Variants in TMEM161A observed in about 807,000 individuals in gnomAD.
TMEM161A encodes the protein adaptive response to oxidative stress protein 29.
Under a neutral mutation model 57.1 loss-of-function variants are expected in TMEM161A, and 46 were observed. That is an observed-to-expected ratio of 0.81 (90% confidence interval 0.64 to 1.03). TMEM161A has a LOEUF of 1.03. Ranked by LOEUF, TMEM161A falls within the 50% of genes least tolerant of loss-of-function variation. TMEM161A has a pLI of 0.00. For missense variants in TMEM161A, 601 were observed against 621.5 expected, an observed-to-expected ratio of 0.97 and a Z score of 0.35; for synonymous variants, 288 against 279.0, an observed-to-expected ratio of 1.03 and a Z score of -0.32.
intron 6 of TMEM161A, among the ~76,000 whole-genome samples, chr19:19,128,340 T>G (rs1237426518): frequency 6.6e-6 from 1 of 150,428 alleles, no homozygotes; most frequent in Non-Finnish European, 1.5e-5. Flanking sequence ...CACGCCATTC[T>G]CCTGCCTCAG....
chr19:19,131,232 CAAAACAA>C (rs1396322713), intron 5 of TMEM161A, among the ~76,000 whole-genome samples: 3 of 151,714 alleles, frequency 2.0e-5, no homozygotes, highest in Non-Finnish European at 4.4e-5. Context: ...AAAAACAAAA[CAAAACAA>C]AAAACAAAAA....
In TMEM161A at chr19:19,130,316, T is replaced by C. The variant is rs1285031524; in HGVS notation, c.444-9A>G. 1 of 1,612,380 alleles carries C rather than the reference T, an allele frequency of 6.2e-7. No individual in the cohort carries two copies. The highest frequency in any genetic ancestry group is 1.7e-5 in the Admixed American group (1 of 60,010). On this transcript the variant is annotated splice_polypyrimidine_tract_variant and intron_variant, in intron 5 of 11. Transcript: ENST00000162044. The stretch of plus-strand genomic sequence containing the variant: ...CTGTCAGGAACATCTTGCTGGAGGC[T>C]GGAGCTAAGGAGGCCTCAGGTGCCA...
At position 19,132,513 on chromosome 19, in the gene TMEM161A, G is replaced by A. The variant is rs2059963717; in HGVS notation, c.287-5C>T. 9 of 1,612,462 alleles carry A rather than the reference G, an allele frequency of 5.6e-6. No homozygotes were observed. The highest frequency in any genetic ancestry group is 3.3e-5 in the Admixed American group (2 of 59,874). On this transcript the variant is annotated splice_region_variant and splice_polypyrimidine_tract_variant and intron_variant, in intron 4 of 11. Transcript: ENST00000162044. The surrounding 1 kb of genome is among the most constrained non-coding windows in gnomAD (Gnocchi z 4.3). ...ACTCCAGGAAGAAGCGCAGGACTGTGGGGGGCACTCTGCTCAGCCCTGGGG... is the reference window on the plus strand; with the variant it reads ...ACTCCAGGAAGAAGCGCAGGACTGTAGGGGGCACTCTGCTCAGCCCTGGGG...
chr19:19,122,405 G>A (rs757825464), intron 6 of TMEM161A, among the ~76,000 whole-genome samples: 8 of 152,170 alleles, frequency 5.3e-5, no homozygotes, highest in Non-Finnish European at 1.2e-4. Context: ...TCTAGAGGGG[G>A]ATGAAGGACT....
Position 19,121,084 on chromosome 19 carries a change from G to A in TMEM161A, c.997C>T (p.His333Tyr). 1 of 1,611,660 alleles carries A rather than the reference G, an allele frequency of 6.2e-7. No individual in the cohort carries two copies. Among genetic ancestry groups the A allele is most frequent in the Non-Finnish European group, 8.5e-7 (1 of 1,179,482 alleles). ...GCCAGGCACAGGTAGGCCTGCAGGTGGGGCCGGGTCACCGCCAGCCGCAGC... is the reference window on the plus strand; with the variant it reads ...GCCAGGCACAGGTAGGCCTGCAGGTAGGGCCGGGTCACCGCCAGCCGCAGC... ...CLLRLAVTRP[H>Y]LQAYLCLAKA... Residue 333 changes from histidine to tyrosine, a missense_variant, in exon 10 of 12, where the codon CAC (histidine) becomes TAC (tyrosine). Physicochemically the swap from His to Tyr is moderately conservative, Grantham distance 83. Coordinates refer to ENST00000162044, the MANE Select transcript of TMEM161A (RefSeq NM_017814.3). This position sits in a 1 kb window ranked among gnomAD's most constrained non-coding sequence, Gnocchi z 5.8.
Position 19,121,513 on chromosome 19 carries a change from G to C in TMEM161A, c.800+12C>G. The C allele has an allele frequency of 6.2e-7, 1 of 1,613,428 alleles. No individual in the cohort carries two copies. ...TCCCTAGTCCCCCCACCCACCAAGC[G>C]ACCCACTTAACTGCAGCATGGGTCT... On this transcript the variant is annotated intron_variant, in intron 8 of 11. Coordinates refer to ENST00000162044, the MANE Select transcript of TMEM161A (RefSeq NM_017814.3). The surrounding 1 kb of genome is among the most constrained non-coding windows in gnomAD (Gnocchi z 5.8).
chr19:19,133,286 G>C, intron 2 of TMEM161A, 76 bp from the exon 3 acceptor site: 1 of 1,375,066 alleles, frequency 7.3e-7, no homozygotes, highest in Admixed American at 1.8e-5. Context: ...CCAAATCCAG[G>C]GATTCTAGTT....
Position 19,121,622 on chromosome 19 carries a change from C to G in TMEM161A, c.703G>C (p.Gly235Arg). The change falls in exon 8 of 12, where the codon GGC (glycine) becomes CGC (arginine). Residue 235 changes from glycine to arginine, a missense_variant. Physicochemically the swap from Gly to Arg is moderately radical, Grantham distance 125. Coordinates refer to ENST00000162044, the MANE Select transcript of TMEM161A (RefSeq NM_017814.3). The surrounding 1 kb of genome is among the most constrained non-coding windows in gnomAD (Gnocchi z 5.8). ...GTGAGGAAGGCACCCAGCACAGAGCCCACCACTGCCAGTCCCACGCGGATA... is the reference window on the plus strand; with the variant it reads ...GTGAGGAAGGCACCCAGCACAGAGCGCACCACTGCCAGTCCCACGCGGATA... ...LAIRVGLAVV[G>R]SVLGAFLTFP... 6.2e-7 allele frequency: 1 copy of G among 1,613,978 alleles called. No individual in the cohort carries two copies. Among genetic ancestry groups the G allele is most frequent in the Non-Finnish European group, 8.5e-7 (1 of 1,179,968 alleles).
chr19:19,121,620 G>A lies in TMEM161A; in HGVS notation c.705C>T (p.Gly235=), dbSNP rs1333027562. 2 of 1,613,958 alleles carry A rather than the reference G, an allele frequency of 1.2e-6. No homozygotes were observed. Among genetic ancestry groups the A allele is most frequent in the African/African-American group, 1.3e-5 (1 of 75,064 alleles). ...LAIRVGLAVV[G]SVLGAFLTFP... ...AGGTGAGGAAGGCACCCAGCACAGA[G>A]CCCACCACTGCCAGTCCCACGCGGA... is the stretch of plus-strand genomic sequence containing the variant. The change falls in exon 8 of 12, where the codon GGC becomes GGT. Residue 235 remains glycine, a synonymous_variant. Coordinates refer to ENST00000162044, the MANE Select transcript of TMEM161A (RefSeq NM_017814.3). The surrounding 1 kb of genome is among the most constrained non-coding windows in gnomAD (Gnocchi z 5.8).
rs542328189 is a variant in TMEM161A, at chr19:19,133,482, T to C, written c.108-272A>G. 2.0e-4 allele frequency: 84 copies of C among 410,744 alleles called. 1 individual carries two copies. The highest frequency in any genetic ancestry group is 1.6e-3 in the African/African-American group (77 of 48,680). The allele number at this position is 410,744 out of a possible 1,614,324, so 25.4% of individuals were successfully genotyped here. A position where few individuals can be genotyped will look rare whatever the true frequency, so the allele number is the denominator to read the frequency against. The stretch of plus-strand genomic sequence containing the variant: ...TGCAACTTTTCTTTTCTTTTTCATT[T>C]TCTTTTTGAGACAGAGTCTCCCTCT... On this transcript the variant is annotated intron_variant, in intron 2 of 11. Coordinates refer to ENST00000162044, the MANE Select transcript of TMEM161A (RefSeq NM_017814.3).
At position 19,138,441 on chromosome 19, in the gene TMEM161A, A is replaced by G; in HGVS notation, c.-13T>C. ...GCTCGCTCACCATGACGCGTGCGAG[A>G]ACGCGGTGCACTCACCCACCGGCCT... On this transcript the variant is annotated 5_prime_UTR_variant, in exon 1 of 12. Coordinates refer to ENST00000162044, the MANE Select transcript of TMEM161A (RefSeq NM_017814.3). The G allele has an allele frequency of 1.2e-6, 2 of 1,601,550 alleles. No individual in the cohort carries two copies. The highest frequency in any genetic ancestry group is 1.7e-6 in the Non-Finnish European group (2 of 1,174,322).
intron 1 of TMEM161A, 54 bp from the exon 2 acceptor site, chr19:19,134,941 C>G: frequency 7.7e-7 from 1 of 1,302,114 alleles, no homozygotes; most frequent in Non-Finnish European, 1.1e-6. Context: ...CAAGTTCCCT[C>G]CCTCCCTAGG....
At chr19:19,126,808 T>C (rs1201867913) in intron 6 of TMEM161A, among the ~76,000 whole-genome samples, 2 of 151,992 alleles carry the variant, frequency 1.3e-5, no homozygotes, top group Non-Finnish European at 2.9e-5. Context: ...AGGTGGAGGT[T>C]GCAGTGAGCC....
Position 19,132,338 on chromosome 19 carries a change from G to C in TMEM161A, c.443+14C>G. On this transcript the variant is annotated intron_variant, in intron 5 of 11. Transcript: ENST00000162044. This position sits in a 1 kb window ranked among gnomAD's most constrained non-coding sequence, Gnocchi z 4.3. ...CCACCCGCCCCACTGGCAGGGAGCAGAGAGGAAGGATACATGGAGAAGGTC... is the reference window on the plus strand; with the variant it reads ...CCACCCGCCCCACTGGCAGGGAGCACAGAGGAAGGATACATGGAGAAGGTC... 1 of 1,608,166 alleles carries C rather than the reference G, an allele frequency of 6.2e-7. No individual in the cohort carries two copies. The highest frequency in any genetic ancestry group is 8.5e-7 in the Non-Finnish European group (1 of 1,176,686).
chr19:19,137,248 TCTCTC>T (rs1202640269), intron 1 of TMEM161A, among the ~76,000 whole-genome samples: 1 of 151,928 alleles, frequency 6.6e-6, no homozygotes, highest in African/African-American at 2.4e-5. Context: ...ACAGCTCAGC[TCTCTC>T]CTCAGCCCTC....
intron 3 of TMEM161A, 37 bp downstream of exon 3, chr19:19,133,092 AC>A: frequency 1.3e-6 from 2 of 1,588,780 alleles, no homozygotes; most frequent in African/African-American, 2.7e-5. Flanking sequence ...GGGAGGAGCC[AC>A]CCTCCCAAGG....
Position 19,130,445 on chromosome 19 carries a change from C to T in TMEM161A, c.444-138G>A, listed in dbSNP as rs962749383. On this transcript the variant is annotated intron_variant, in intron 5 of 11. Transcript: ENST00000162044. ...GCCTTGGGGATGACCTAGAGGAGTT[C>T]GGTTTTGGGGTGCTGGATCTCAGAT... 1.0e-4 allele frequency: 111 copies of T among 1,084,938 alleles called. No individual in the cohort carries two copies. The Middle Eastern group carries it at 3.3e-3, about 32-fold the overall frequency. The allele number at this position is 1,084,938 out of a possible 1,614,324, so 67.2% of individuals were successfully genotyped here.
At chr19:19,120,732 C>T (rs2059905086) in intron 11 of TMEM161A, 33 bp downstream of exon 11, 4 of 1,601,268 alleles carry the variant, frequency 2.5e-6, no homozygotes, top group Admixed American at 1.7e-5. Context: ...TCCAACTCCG[C>T]CCCTCCTCCA....
intron 6 of TMEM161A, among the ~76,000 whole-genome samples, chr19:19,126,388 A>G (rs1292211878): frequency 6.6e-6 from 1 of 152,152 alleles, no homozygotes; most frequent in Non-Finnish European, 1.5e-5. Context: ...TTGGCAATGA[A>G]GTGGATAAAT....
Sources: allele counts gnomAD v4.1 joint callset (sites outside exome capture counted in the v4.1 genomes callset), GRCh38; gene constraint gnomAD v4.1.1; non-coding constraint Gnocchi (gnomAD v3.1); transcripts MANE v1.5; gene names NCBI Gene and HGNC (gene_info 2026-07-23, HGNC 2026-07-21).